Variants in DNAH5 observed in about 807,000 individuals in gnomAD.
DNAH5 encodes the protein axonemal beta dynein heavy chain 5.
A neutral mutation model predicts 518.2 loss-of-function variants in DNAH5; 372 were observed. That is an observed-to-expected ratio of 0.72 (90% CI 0.66 to 0.78). DNAH5 has a LOEUF of 0.78. Ranked by LOEUF, DNAH5 falls within the 30% of genes least tolerant of loss-of-function variation. The pLI is 0.00. For missense variants in DNAH5, 5,523 were observed against 5,687.0 expected, an observed-to-expected ratio of 0.97 and a Z score of 0.93; for synonymous variants, 2,039 against 2,025.9, an observed-to-expected ratio of 1.01 and a Z score of -0.17.
intron 61 of DNAH5, 80 bp from the exon 62 acceptor site, chr5:13,754,418 G>A (rs894280668): frequency 2.0e-5 from 31 of 1,514,660 alleles, no homozygotes; most frequent in Admixed American, 8.4e-5. Flanking sequence ...TGTAGAACAC[G>A]CCATATTATC....
At chr5:13,814,549 A>G in intron 43 of DNAH5, 56 bp downstream of exon 43, 1 of 1,584,828 alleles carries the variant, frequency 6.3e-7, no homozygotes, top group Non-Finnish European at 8.6e-7. Context: ...ACACTAAAAG[A>G]ATGCTAAAGG....
chr5:13,737,489 C>G lies in DNAH5; in HGVS notation c.11218G>C (p.Glu3740Gln). Residue 3740 changes from glutamate to glutamine, a missense_variant, in exon 66 of 79, where the codon GAG becomes CAG. Coordinates refer to ENST00000265104, the MANE Select transcript of DNAH5 (RefSeq NM_001369.3). ...RVILTEKQEL[E>Q]KERTHLMEDV... is the part of the protein sequence containing the mutation. ...TCCATCAGATGAGTTCTTTCTTTCT[C>G]CAATTCCTATTAATTTGCATAAATA... 1 of 1,613,728 alleles carries G rather than the reference C, an allele frequency of 6.2e-7. No individual in the cohort carries two copies. Among genetic ancestry groups the G allele is most frequent in the Non-Finnish European group, 8.5e-7 (1 of 1,179,752 alleles).
At chr5:13,813,483 G>T (rs1761003249) in intron 43 of DNAH5, among the ~76,000 whole-genome samples, 1 of 145,628 alleles carries the variant, frequency 6.9e-6, no homozygotes, top group African/African-American at 2.5e-5. Flanking sequence ...ACAATCCTGA[G>T]TTGCCTCCCA....
intron 1 of DNAH5, among the ~76,000 whole-genome samples, chr5:13,998,881 T>G (rs529205256): frequency 1.3e-5 from 2 of 152,226 alleles, no homozygotes; most frequent in South Asian, 4.1e-4. Flanking sequence ...TGATTACTTC[T>G]TTTTTCTTGA....
chr5:13,833,239 G>A (rs2151843412), intron 35 of DNAH5, among the ~76,000 whole-genome samples: 1 of 151,896 alleles, frequency 6.6e-6, no homozygotes, highest in East Asian at 1.9e-4. Context: ...AGGAGTTCAA[G>A]ACCAGCCTGG....
intron 51 of DNAH5, 121 bp from the exon 52 acceptor site, chr5:13,786,472 G>T: frequency 9.6e-7 from 1 of 1,039,920 alleles, no homozygotes; most frequent in Non-Finnish European, 1.4e-6. Flanking sequence ...TAAGCTAAAT[G>T]CCATAGTGTG....
In DNAH5 at chr5:13,781,048, T is replaced by C. The variant is rs1160272615; in HGVS notation, c.8821-89A>G. On this transcript the variant is annotated intron_variant, in intron 52 of 78. Coordinates refer to ENST00000265104, the MANE Select transcript of DNAH5 (RefSeq NM_001369.3). ...ATTCAATATATGAATAAGGCCTAATTATTATTTTGGAAGATATAGGTGTCT... is the reference window on the plus strand; with the variant it reads ...ATTCAATATATGAATAAGGCCTAATCATTATTTTGGAAGATATAGGTGTCT... 6.2e-6 allele frequency: 9 copies of C among 1,442,338 alleles called. No individual in the cohort carries two copies. In the Admixed American group the frequency reaches 9.1e-5, roughly 15 times the overall value. 89.3% of individuals were successfully genotyped at this position (1,442,338 alleles called of 1,614,324 possible). A position where few individuals can be genotyped will look rare whatever the true frequency, so the allele number is the denominator to read the frequency against.
At chr5:13,738,929 G>A (rs919484954) in intron 65 of DNAH5, among the ~76,000 whole-genome samples, 2 of 152,140 alleles carry the variant, frequency 1.3e-5, no homozygotes, top group Non-Finnish European at 2.9e-5. Context: ...GGAGTCCATT[G>A]ACAATTTGCC....
chr5:13,856,230 A>G (rs111804489), intron 30 of DNAH5, among the ~76,000 whole-genome samples: 13,872 of 152,250 alleles, frequency 0.091, 734 homozygotes, highest in Middle Eastern at 0.15. Flanking sequence ...GAAAAGATCA[A>G]CAAAACAGAT....
At chr5:13,949,479 A>G (rs1450629062), upstream of DNAH5, among the ~76,000 whole-genome samples, 7 of 152,208 alleles carry the variant, frequency 4.6e-5, no homozygotes, top group Non-Finnish European at 1.0e-4. Flanking sequence ...TTTTGTCACC[A>G]TTTTTATGGA....
chr5:14,011,633 G>T (rs1319239242), intron 1 of DNAH5, among the ~76,000 whole-genome samples: 1 of 152,088 alleles, frequency 6.6e-6, no homozygotes, highest in African/African-American at 2.4e-5. Flanking sequence ...CGCGTGGCCC[G>T]AGCGCGCACA....
At position 13,933,161 on chromosome 5, in the gene DNAH5, T is replaced by C. The variant is rs143728559; in HGVS notation, c.58-1917A>G. Among the ~76,000 whole-genome samples, 421 of 152,222 alleles carry C rather than the reference T, an allele frequency of 2.8e-3. 1 individual carries two copies. Among genetic ancestry groups the C allele is most frequent in the African/African-American group, 9.4e-3 (392 of 41,524 alleles). ...ACCACTGATATGATACAGACATATATATAGATATAGACATAGGCACATATA... is the reference window on the plus strand; with the variant it reads ...ACCACTGATATGATACAGACATATACATAGATATAGACATAGGCACATATA... On this transcript the variant is annotated intron_variant, in intron 1 of 78. Coordinates refer to ENST00000265104, the MANE Select transcript of DNAH5 (RefSeq NM_001369.3).
At chr5:13,998,831 T>C (rs543684493) in intron 1 of DNAH5, among the ~76,000 whole-genome samples, 2 of 152,296 alleles carry the variant, frequency 1.3e-5, no homozygotes, top group South Asian at 4.2e-4. Flanking sequence ...CACACATTCA[T>C]ATTGCTTGAG....
intron 65 of DNAH5, among the ~76,000 whole-genome samples, chr5:13,744,187 T>C (rs1023938660): frequency 6.6e-6 from 1 of 151,982 alleles, no homozygotes; most frequent in Admixed American, 6.6e-5. Context: ...CACAGCACCA[T>C]GGATGGAACT....
At chr5:13,754,402 T>C (rs1750696585) in intron 61 of DNAH5, 64 bp from the exon 62 acceptor site, 2 of 1,586,366 alleles carry the variant, frequency 1.3e-6, no homozygotes. Flanking sequence ...GGCTCAAAAA[T>C]ATAATTGTAG....
chr5:13,776,736 A>G (rs376263999), intron 54 of DNAH5, 30 bp from the exon 55 acceptor site: 105 of 1,611,432 alleles, frequency 6.5e-5, no homozygotes, highest in East Asian at 2.2e-4. Context: ...ATGCAAATTC[A>G]GTACACACAT....
intron 78 of DNAH5, among the ~76,000 whole-genome samples, chr5:13,698,331 T>G (rs1216024215): frequency 6.6e-6 from 1 of 152,228 alleles, no homozygotes; most frequent in African/African-American, 2.4e-5. Flanking sequence ...GAAATCAGTA[T>G]GTTCATTTCT....
At chr5:13,860,396 T>C (rs1409556171) in intron 29 of DNAH5, 2 of 152,294 alleles carry the variant, frequency 1.3e-5, no homozygotes, top group East Asian at 3.8e-4. Context: ...ACTGGAATCA[T>C]CTCGCCAGCA....
In DNAH5 at chr5:13,717,336, C is replaced by T; in HGVS notation, c.12684G>A (p.Leu4228=). The change falls in exon 73 of 79, where the codon TTG becomes TTA. Residue 4228 remains leucine (L), a synonymous_variant. Coordinates refer to ENST00000265104, the MANE Select transcript of DNAH5 (RefSeq NM_001369.3). The stretch of plus-strand genomic sequence containing the variant: ...GTACCTTTTTGACATCCATGTCATC[C>T]AAGTGGTTTTGGATGAACTGCACAG... ...NATVQFIQNH[L]DDMDVKKGVS... 6.2e-7 allele frequency: 1 copy of T among 1,613,890 alleles called. No homozygotes were observed. Among genetic ancestry groups the T allele is most frequent in the South Asian group, 1.1e-5 (1 of 91,024 alleles).
Sources: gnomAD v4.1 joint callset for allele counts (sites outside exome capture counted in the v4.1 genomes callset) on GRCh38, gnomAD v4.1.1 for gene constraint, MANE v1.5 for transcripts, NCBI Gene and HGNC (gene_info 2026-07-23, HGNC 2026-07-21) for gene names.